CSMD1: variants seen among roughly 807,000 people sequenced by gnomAD.
CSMD1 encodes CUB and sushi domain-containing protein 1.
In CSMD1, 213 loss-of-function variants were observed where a neutral mutation model predicts 417.5. The observed-to-expected ratio is 0.51, with a 90% CI of 0.46 to 0.57. The LOEUF (loss-of-function observed/expected upper bound fraction) is 0.57. Among genes scored for constraint, CSMD1 ranks in the 20% least tolerant of loss-of-function variants. The probability of loss-of-function intolerance (pLI) is 0.00; values close to 1 mark genes in which losing one functional copy is unlikely to be tolerated. For missense variants in CSMD1, 6,923 were observed against 4,529.7 expected, an observed-to-expected ratio of 1.53 and a Z score of -15.17; for synonymous variants, 2,862 against 1,736.8, an observed-to-expected ratio of 1.65 and a Z score of -16.11.
intron 2 of CSMD1, among the ~76,000 whole-genome samples, chr8:4,498,863 C>T (rs1802110651): frequency 6.6e-6 from 1 of 152,128 alleles, no homozygotes; most frequent in Non-Finnish European, 1.5e-5. Flanking sequence ...ATGCTTACTA[C>T]ACCCCAGAAG....
In CSMD1 at chr8:3,118,471, T is replaced by C. The variant is rs1816994120; in HGVS notation, c.6358A>G (p.Ile2120Val). The C allele has an allele frequency of 3.7e-6, 6 of 1,613,932 alleles. No individual in the cohort carries two copies. Among genetic ancestry groups the C allele is most frequent in the Non-Finnish European group, 5.1e-6 (6 of 1,179,836 alleles). Residue 2120 changes from isoleucine (I) to valine (V), a missense_variant, in exon 42 of 70, where the codon ATA becomes GTA. Transcript: ENST00000635120. ...SFECYPGYIL[I>V]GHPVLTCQHG... ...TGACAAGTGAGGACAGGATGGCCTA[T>C]TAGAATGTACCCAGGATAACACTCG...
At chr8:4,452,347 T>G (rs1799195460) in intron 2 of CSMD1, among the ~76,000 whole-genome samples, 1 of 152,136 alleles carries the variant, frequency 6.6e-6, no homozygotes, top group Non-Finnish European at 1.5e-5. Flanking sequence ...CTAAACAAAT[T>G]CCACTGGGGT....
At chr8:4,506,687 C>A (rs1217614048) in intron 2 of CSMD1, among the ~76,000 whole-genome samples, 1 of 152,182 alleles carries the variant, frequency 6.6e-6, no homozygotes, top group African/African-American at 2.4e-5. Flanking sequence ...AGCTTAACCT[C>A]CTCTGAATAA....
At chr8:3,810,339 A>G (rs1800997303) in intron 5 of CSMD1, among the ~76,000 whole-genome samples, 3 of 152,224 alleles carry the variant, frequency 2.0e-5, no homozygotes, top group South Asian at 4.1e-4. Flanking sequence ...GGAAAGAAAT[A>G]GTGCTTCTCA....
At chr8:4,909,476 T>A (rs1313441100) in intron 1 of CSMD1, among the ~76,000 whole-genome samples, 1 of 152,162 alleles carries the variant, frequency 6.6e-6, no homozygotes, top group Non-Finnish European at 1.5e-5. Flanking sequence ...CCTTCCCTGA[T>A]AACCTTCTAG....
At chr8:2,999,369 G>A (rs998980432) in intron 53 of CSMD1, among the ~76,000 whole-genome samples, 7 of 151,922 alleles carry the variant, frequency 4.6e-5, no homozygotes, top group African/African-American at 1.2e-4. Context: ...GGCCAGGCTC[G>A]TCTTGAACTC....
chr8:4,914,785 A>G (rs1805940220), intron 1 of CSMD1, among the ~76,000 whole-genome samples: 1 of 152,196 alleles, frequency 6.6e-6, no homozygotes, highest in Admixed American at 6.5e-5. Flanking sequence ...ATGAGTTCCC[A>G]TGTAACCACA....
intron 62 of CSMD1, among the ~76,000 whole-genome samples, chr8:2,959,580 C>T (rs1386341718): frequency 6.6e-6 from 1 of 152,010 alleles, no homozygotes; most frequent in Non-Finnish European, 1.5e-5. Flanking sequence ...GCAGAATATA[C>T]CGAGCCACTG....
At chr8:3,493,277 G>A (rs797009459) in intron 11 of CSMD1, among the ~76,000 whole-genome samples, 21 of 122,294 alleles carry the variant, frequency 1.7e-4, no homozygotes, top group African/African-American at 6.4e-4. Flanking sequence ...CTGGGTGATA[G>A]AGTAAGAACC....
At chr8:3,445,981 A>T (rs1034191378) in intron 12 of CSMD1, among the ~76,000 whole-genome samples, 19 of 152,192 alleles carry the variant, frequency 1.2e-4, no homozygotes, top group Non-Finnish European at 2.5e-4. Context: ...GGCACAACAG[A>T]GGGAGAAGGG....
intron 3 of CSMD1, among the ~76,000 whole-genome samples, chr8:4,120,624 T>G (rs1467478537): frequency 6.6e-6 from 1 of 152,236 alleles, no homozygotes; most frequent in Middle Eastern, 3.2e-3. Flanking sequence ...ACAGTCTGTG[T>G]ACCTGCCACT....
chr8:3,512,664 G>A (rs1797126159), intron 10 of CSMD1, among the ~76,000 whole-genome samples: 1 of 148,328 alleles, frequency 6.7e-6, no homozygotes, highest in East Asian at 2.0e-4. Flanking sequence ...GCACTGGCAT[G>A]ATGACATGAT....
chr8:4,882,901 T>C (rs1346973095), intron 1 of CSMD1, among the ~76,000 whole-genome samples: 4 of 152,048 alleles, frequency 2.6e-5, no homozygotes, highest in African/African-American at 7.3e-5. Context: ...AAGTCCTAGA[T>C]TTCTTCACTA....
At chr8:4,234,480 T>G (rs1486009218) in intron 3 of CSMD1, among the ~76,000 whole-genome samples, 1 of 152,182 alleles carries the variant, frequency 6.6e-6, no homozygotes, top group Non-Finnish European at 1.5e-5. Context: ...TGAGACCTGC[T>G]TATCCTTGAG....
At chr8:3,256,983 A>G (rs181311083) in intron 26 of CSMD1, among the ~76,000 whole-genome samples, 6 of 152,264 alleles carry the variant, frequency 3.9e-5, no homozygotes, top group African/African-American at 1.2e-4. Context: ...AAATATTTGT[A>G]AGAGAATTTT....
At chr8:4,485,306 A>C (rs1801319447) in intron 2 of CSMD1, among the ~76,000 whole-genome samples, 1 of 152,192 alleles carries the variant, frequency 6.6e-6, no homozygotes, top group African/African-American at 2.4e-5. Flanking sequence ...TCCCCAGTTG[A>C]AATTTTTACC....
At chr8:3,306,515 C>G (rs1050957685) in intron 25 of CSMD1, among the ~76,000 whole-genome samples, 7 of 152,116 alleles carry the variant, frequency 4.6e-5, no homozygotes, top group Non-Finnish European at 7.3e-5. Flanking sequence ...GTAGGAGGAG[C>G]TGAAGCAGCT....
At chr8:4,011,419 A>C (rs1478079392) in intron 4 of CSMD1, among the ~76,000 whole-genome samples, 1 of 152,116 alleles carries the variant, frequency 6.6e-6, no homozygotes, top group Non-Finnish European at 1.5e-5. Flanking sequence ...TACTTTCTGA[A>C]ATTCCTTTCA....
intron 10 of CSMD1, among the ~76,000 whole-genome samples, chr8:3,558,206 T>G (rs974977166): frequency 1.3e-5 from 2 of 148,788 alleles, no homozygotes; most frequent in African/African-American, 2.5e-5. Flanking sequence ...AGTGCCTCAG[T>G]AGTACCCCGT....
Sources: allele counts gnomAD v4.1 joint callset (sites outside exome capture counted in the v4.1 genomes callset), GRCh38; gene constraint gnomAD v4.1.1; transcripts MANE v1.5; gene names NCBI Gene and HGNC (gene_info 2026-07-23, HGNC 2026-07-21).